ATG7: variants seen among roughly 807,000 people sequenced by gnomAD.
ATG7 encodes the protein autophagy related 7, also known as ubiquitin-like modifier-activating enzyme ATG7.
Under a neutral mutation model 82.4 loss-of-function variants are expected in ATG7, and 70 were observed. The ratio of observed to expected loss-of-function variants is 0.85; its 90% confidence interval spans 0.70 to 1.04. ATG7 has a LOEUF of 1.04. ATG7 is among the 50% of genes least tolerant of loss of function. The probability of loss-of-function intolerance (pLI) is 0.00; values close to 1 mark genes in which losing one functional copy is unlikely to be tolerated. For missense variants in ATG7, 792 were observed against 864.3 expected (o/e 0.92, Z 1.05); for synonymous variants, 287 against 313.0 (o/e 0.92, Z 0.88).
intron 9 of ATG7, among the ~76,000 whole-genome samples, chr3:11,324,009 T>A (rs1321035464): frequency 6.6e-6 from 1 of 152,220 alleles, no homozygotes; most frequent in Non-Finnish European, 1.5e-5. Flanking sequence ...CACAGTGTAC[T>A]TTTTCAGCAA....
chr3:11,427,371 A>G (rs2082446439), intron 20 of ATG7, among the ~76,000 whole-genome samples: 1 of 152,174 alleles, frequency 6.6e-6, no homozygotes, highest in Non-Finnish European at 1.5e-5. Flanking sequence ...CGATTTGATC[A>G]GTCTTCTTAG....
rs1947487586 is a variant in ATG7, at chr3:11,305,009, TCC to T, written c.216-1933_216-1932del. Among the ~76,000 whole-genome samples, 4 of 152,200 alleles carry T rather than the reference TCC, an allele frequency of 2.6e-5. No homozygotes were observed. In the South Asian group the frequency reaches 6.2e-4, roughly 24 times the overall value. On this transcript the variant is annotated intron_variant, in intron 5 of 20. Transcript: ENST00000693202. ...CTTAGCAATTACTCTCCATCCCCCC[TCC>T]TCCATACTCACCAGCCCTAGCCAAC...
chr3:11,384,122 G>A (rs2078132252), intron 19 of ATG7, among the ~76,000 whole-genome samples: 1 of 152,180 alleles, frequency 6.6e-6, no homozygotes, highest in Non-Finnish European at 1.5e-5. Context: ...GGTGTTCTTT[G>A]CAATAATAAC....
chr3:11,312,687 G>A (rs1214212672), intron 7 of ATG7, among the ~76,000 whole-genome samples: 1 of 152,174 alleles, frequency 6.6e-6, no homozygotes, highest in African/African-American at 2.4e-5. Context: ...AATCCACTAA[G>A]CCATTTACAA....
chr3:11,298,686 G>A lies in ATG7; in HGVS notation c.-10G>A, dbSNP rs1559347382. 2 of 1,610,852 alleles carry A rather than the reference G, an allele frequency of 1.2e-6. No individual in the cohort carries two copies. Among genetic ancestry groups the A allele is most frequent in the Non-Finnish European group, 1.7e-6 (2 of 1,178,458 alleles). Reference sequence around the variant, plus strand: ...TGTGTTCTGTTTTGTTTTTTAATAGGCAAGAAATAATGGCGGCAGCTACGG... The same window carrying A: ...TGTGTTCTGTTTTGTTTTTTAATAGACAAGAAATAATGGCGGCAGCTACGG... On this transcript the variant is annotated splice_region_variant and 5_prime_UTR_variant, in exon 4 of 21. Transcript: ENST00000693202.
At chr3:11,357,348 A>G (rs987228168) in intron 14 of ATG7, among the ~76,000 whole-genome samples, 1 of 152,196 alleles carries the variant, frequency 6.6e-6, no homozygotes, top group Admixed American at 6.5e-5. Context: ...TAAAGCCCAT[A>G]TAAAAAATCC....
intron 20 of ATG7, among the ~76,000 whole-genome samples, chr3:11,451,384 G>A (rs896432139): frequency 1.3e-5 from 2 of 152,072 alleles, no homozygotes; most frequent in African/African-American, 4.8e-5. Context: ...GCTAATTTTT[G>A]TATTTTTAGT....
At chr3:11,562,952 G>T in the ATG7 span, among the ~76,000 whole-genome samples, 1 of 152,230 alleles carries the variant, frequency 6.6e-6, no homozygotes, top group Non-Finnish European at 1.5e-5. Flanking sequence ...GTGTGCCGTG[G>T]GCAGCCAGGC....
At chr3:11,395,896 C>T (rs1344326117) in intron 19 of ATG7, among the ~76,000 whole-genome samples, 3 of 127,328 alleles carry the variant, frequency 2.4e-5, no homozygotes, top group African/African-American at 9.0e-5. Flanking sequence ...GCGGAGGTCA[C>T]ACCACTATAC....
intron 20 of ATG7, chr3:11,477,342 C>T (rs562580894): frequency 2.4e-5 from 27 of 1,135,088 alleles, no homozygotes; most frequent in African/African-American, 1.3e-4. Context: ...TCGATAAATA[C>T]GTTCAGTAAT....
intron 20 of ATG7, among the ~76,000 whole-genome samples, chr3:11,518,552 A>C (rs1195730983): frequency 1.3e-5 from 2 of 151,998 alleles, no homozygotes; most frequent in African/African-American, 2.4e-5. Flanking sequence ...TCTCAAAAAA[A>C]AAAAAGAAAA....
intron 20 of ATG7, among the ~76,000 whole-genome samples, chr3:11,452,190 G>A (rs185454339): frequency 7.3e-4 from 111 of 152,052 alleles, no homozygotes; most frequent in African/African-American, 2.6e-3. Context: ...TTCAAGACCA[G>A]CCTGGCCAAC....
Position 11,486,749 on chromosome 3 carries a change from GGTT to G in ATG7, c.2079+59828_2079+59830del, listed in dbSNP as rs1040273257. 9.9e-5 allele frequency among the ~76,000 whole-genome samples: 15 copies of G among 151,710 alleles called. 1 individual carries two copies. The Middle Eastern group carries it at 0.01, about 105-fold the overall frequency. ...TTTATTGAGAGTTTTTAGTATGAAGGGTTGTTGAATTTTGTCAAAGGCCTTTTT... is the reference window on the plus strand; with the variant it reads ...TTTATTGAGAGTTTTTAGTATGAAGGGTTGAATTTTGTCAAAGGCCTTTTT... On this transcript the variant is annotated intron_variant, in intron 20 of 20. Coordinates refer to ENST00000693202, the MANE Select transcript of ATG7 (RefSeq NM_001349232.2).
intron 20 of ATG7, among the ~76,000 whole-genome samples, chr3:11,513,810 TG>T (rs1224233012): frequency 2.0e-5 from 3 of 152,186 alleles, no homozygotes; most frequent in African/African-American, 7.2e-5. Flanking sequence ...ACCTCTCACT[TG>T]GAGTGCTTTA....
chr3:11,433,438 T>C (rs750489321), intron 20 of ATG7, among the ~76,000 whole-genome samples: 1 of 152,132 alleles, frequency 6.6e-6, no homozygotes, highest in Non-Finnish European at 1.5e-5. Context: ...GTAGAATAAG[T>C]ATCAGTTCAC....
rs574523805 is a variant in ATG7 at position 11,519,539 on chromosome 3, G to GTTTTTTTT, written c.2080-35241_2080-35234dup. On this transcript the variant is annotated intron_variant, in intron 20 of 20. Transcript: ENST00000693202. ...TCATGAAAGGCAGGCAGTGAGAGGA[G>GTTTTTTTT]TTTTTTTTTTTTTTTTTTTTTTTTT... Among the ~76,000 whole-genome samples, 5 of 62,210 alleles carry GTTTTTTTT rather than the reference G, an allele frequency of 8.0e-5. 2 individuals carry two copies. Among genetic ancestry groups the GTTTTTTTT allele is most frequent in the Non-Finnish European group, 1.3e-4 (4 of 30,044 alleles). 40.8% of individuals were successfully genotyped at this position (62,210 alleles called of 152,430 possible).
chr3:11,543,878 T>C (rs1027117600), intron 20 of ATG7, among the ~76,000 whole-genome samples: 1 of 151,686 alleles, frequency 6.6e-6, no homozygotes, highest in Non-Finnish European at 1.5e-5. Flanking sequence ...TGCTGAAGGA[T>C]GGTGACAGGC....
chr3:11,405,084 A>G (rs1440729377), intron 19 of ATG7, among the ~76,000 whole-genome samples: 2 of 152,176 alleles, frequency 1.3e-5, no homozygotes, highest in African/African-American at 4.8e-5. Flanking sequence ...CAGCTGTTAC[A>G]TACCAAGTCA....
chr3:11,510,486 C>G (rs1489258783), intron 20 of ATG7: 1 of 356,046 alleles, frequency 2.8e-6, no homozygotes, highest in Non-Finnish European at 5.5e-6. Flanking sequence ...CAGATGCTGC[C>G]TTGTCTGGTC....
Sources: gnomAD v4.1 joint callset for allele counts (sites outside exome capture counted in the v4.1 genomes callset) on GRCh38, gnomAD v4.1.1 for gene constraint, MANE v1.5 for transcripts, NCBI Gene and HGNC (gene_info 2026-07-23, HGNC 2026-07-21) for gene names.